Variants in USP48 observed in about 807,000 individuals in gnomAD.
USP48 encodes ubiquitin carboxyl-terminal hydrolase 48.
Under a neutral mutation model 150.7 loss-of-function variants are expected in USP48, and 43 were observed. The ratio of observed to expected loss-of-function variants is 0.29; its 90% CI spans 0.22 to 0.37. The LOEUF (loss-of-function observed/expected upper bound fraction) is 0.37, where lower values mean the gene tolerates loss of function less well. Ranked by LOEUF, USP48 falls within the 10% of genes least tolerant of loss-of-function variation. The pLI is 1.00. For synonymous variants in USP48, 396 were observed against 425.9 expected, an observed-to-expected ratio of 0.93 and a Z score of 0.86; for missense variants, 813 against 1,249.6, an observed-to-expected ratio of 0.65 and a Z score of 5.27.
intron 22 of USP48, 48 bp downstream of exon 22, chr1:21,701,450 A>G (rs773708359): frequency 5.3e-6 from 8 of 1,513,658 alleles, no homozygotes; most frequent in South Asian, 1.1e-5. Flanking sequence ...TGGCTGCTCT[A>G]TAAGAACAGC....
At chr1:21,696,268 CCT>C (rs2097630036) in intron 22 of USP48, among the ~76,000 whole-genome samples, 1 of 151,852 alleles carries the variant, frequency 6.6e-6, no homozygotes, top group East Asian at 1.9e-4. Flanking sequence ...GAGAAACCCC[CCT>C]CTCTACTAAA....
At chr1:21,756,448 T>G in intron 3 of USP48, 98 bp downstream of exon 3, 1 of 1,389,258 alleles carries the variant, frequency 7.2e-7, no homozygotes, top group Non-Finnish European at 9.6e-7. Flanking sequence ...GCCACTTCAC[T>G]CTGGCTTGGG....
intron 6 of USP48, among the ~76,000 whole-genome samples, chr1:21,748,803 C>T (rs1243617920): frequency 6.6e-6 from 1 of 152,056 alleles, no homozygotes; most frequent in Non-Finnish European, 1.5e-5. Context: ...CCCAACTACT[C>T]GGGAGGCTGA....
At chr1:21,756,468 A>G in intron 3 of USP48, 78 bp downstream of exon 3, 1 of 1,424,288 alleles carries the variant, frequency 7.0e-7, no homozygotes, top group East Asian at 2.6e-5. Context: ...GAAACAGAGG[A>G]AGACTCAAAA....
At chr1:21,729,121 A>G (rs189713421) in intron 10 of USP48, among the ~76,000 whole-genome samples, 231 of 152,178 alleles carry the variant, frequency 1.5e-3, no homozygotes, top group African/African-American at 5.5e-3. Flanking sequence ...CATCTCTACT[A>G]AAAATACAAA....
chr1:21,725,148 A>G (rs1290796450), intron 11 of USP48: 1 of 152,248 alleles, frequency 6.6e-6, no homozygotes, highest in Non-Finnish European at 1.5e-5. Context: ...GGCACTGTAC[A>G]TCATCAACTA....
intron 15 of USP48, among the ~76,000 whole-genome samples, chr1:21,710,467 A>C (rs2097687300): frequency 6.6e-6 from 1 of 152,196 alleles, no homozygotes; most frequent in Non-Finnish European, 1.5e-5. Flanking sequence ...TAAACAAGGT[A>C]AGCTATAGGA....
intron 15 of USP48, among the ~76,000 whole-genome samples, chr1:21,713,367 C>T (rs927350423): frequency 4.6e-5 from 7 of 152,148 alleles, no homozygotes; most frequent in African/African-American, 1.4e-4. Context: ...CCTTGGCTTC[C>T]CAAAGTGCTG....
intron 8 of USP48, among the ~76,000 whole-genome samples, chr1:21,740,100 G>A (rs2097777990): frequency 6.6e-6 from 1 of 152,132 alleles, no homozygotes; most frequent in African/African-American, 2.4e-5. Context: ...TAGTAGAGAC[G>A]GCGTTTCTCC....
At chr1:21,723,791 G>A (rs2097728695) in intron 12 of USP48, 107 bp downstream of exon 12, 3 of 951,890 alleles carry the variant, frequency 3.2e-6, no homozygotes, top group African/African-American at 1.6e-5. Flanking sequence ...GGAATATTTG[G>A]TCTAGCATAG....
rs1240303698 is a variant in USP48 at position 21,777,429 on chromosome 1, A to G, written c.134+5395T>C. On this transcript the variant is annotated intron_variant, in intron 1 of 26. Coordinates refer to ENST00000308271, the MANE Select transcript of USP48 (RefSeq NM_032236.8). ...ACACCTGTAATCCCAGTACTCTGGG[A>G]AGCTGAAGCAGGACTGCTTGAGGCT... Among the ~76,000 whole-genome samples the G allele has an allele frequency of 2.6e-5, 4 of 152,288 alleles. No homozygotes were observed. In the East Asian group the frequency reaches 7.7e-4, roughly 29 times the overall value.
intron 23 of USP48, among the ~76,000 whole-genome samples, chr1:21,690,322 T>G (rs1245346752): frequency 6.6e-6 from 1 of 152,050 alleles, no homozygotes; most frequent in Non-Finnish European, 1.5e-5. Context: ...TAGGAAACAA[T>G]TACACATATA....
In USP48 at chr1:21,752,526, C is replaced by A; in HGVS notation, c.665+1G>T. The stretch of plus-strand genomic sequence containing the variant: ...CCATGAAAAAGTTGAAACAGACTTA[C>A]ACAGTTACATAGGCATATTCTCCAC... On this transcript the variant is annotated splice_donor_variant, in intron 5 of 26. Coordinates refer to ENST00000308271, the MANE Select transcript of USP48 (RefSeq NM_032236.8). LOFTEE classifies it high-confidence loss of function. The A allele has an allele frequency of 1.2e-6, 2 of 1,606,984 alleles. No individual in the cohort carries two copies. Among genetic ancestry groups the A allele is most frequent in the Admixed American group, 1.7e-5 (1 of 57,408 alleles).
intron 8 of USP48, among the ~76,000 whole-genome samples, chr1:21,739,365 A>C (rs2097775805): frequency 6.6e-6 from 1 of 152,022 alleles, no homozygotes; most frequent in African/African-American, 2.4e-5. Context: ...CTAAAAATAC[A>C]AAAATTAGTC....
intron 1 of USP48, among the ~76,000 whole-genome samples, chr1:21,760,043 C>G (rs1205724603): frequency 2.0e-5 from 3 of 152,202 alleles, no homozygotes; most frequent in Admixed American, 2.0e-4. Context: ...ATTGACACCA[C>G]ACACCTTCTG....
At chr1:21,704,782 T>A (rs376776132) in intron 19 of USP48, among the ~76,000 whole-genome samples, 3 of 151,942 alleles carry the variant, frequency 2.0e-5, no homozygotes, top group Non-Finnish European at 4.4e-5. Context: ...AGTACAGTGG[T>A]TAGTGTGAGA....
At chr1:21,767,460 G>C (rs912800347) in intron 1 of USP48, among the ~76,000 whole-genome samples, 2 of 152,046 alleles carry the variant, frequency 1.3e-5, no homozygotes, top group African/African-American at 4.8e-5. Flanking sequence ...GAGTAGCTGG[G>C]ACTCCAGGTG....
chr1:21,737,986 C>T (rs1364570975), intron 8 of USP48, among the ~76,000 whole-genome samples: 1 of 152,158 alleles, frequency 6.6e-6, no homozygotes, highest in Non-Finnish European at 1.5e-5. Context: ...CAGCTTCAAC[C>T]TCCTGGGCTT....
chr1:21,730,863 C>T (rs1005828212), intron 9 of USP48, among the ~76,000 whole-genome samples: 2 of 150,924 alleles, frequency 1.3e-5, no homozygotes, highest in Non-Finnish European at 2.9e-5. Flanking sequence ...TGGGTTCAAG[C>T]GATTCTCATG....
Sources: gnomAD v4.1 joint callset for allele counts (sites outside exome capture counted in the v4.1 genomes callset) on GRCh38, gnomAD v4.1.1 for gene constraint, MANE v1.5 for transcripts, NCBI Gene and HGNC (gene_info 2026-07-23, HGNC 2026-07-21) for gene names.